Variants in ADGRB3 observed in about 807,000 individuals in gnomAD.
ADGRB3 encodes the protein brain-specific angiogenesis inhibitor 3.
In ADGRB3, 37 loss-of-function variants were observed where a neutral mutation model predicts 193.4. That is an observed-to-expected ratio of 0.19 (90% CI 0.15 to 0.25). ADGRB3 has a LOEUF of 0.25. Among genes scored for constraint, ADGRB3 ranks in the 10% least tolerant of loss-of-function variants. The pLI is 1.00. For missense variants in ADGRB3, 1,637 were observed against 1,852.9 expected, an observed-to-expected ratio of 0.88 and a Z score of 2.14; for synonymous variants, 690 against 644.2, an observed-to-expected ratio of 1.07 and a Z score of -1.08.
rs778842222 is a variant in ADGRB3 at position 69,018,417 on chromosome 6, G to A, written c.2025G>A (p.Met675Ile). ...QQIYPGSIEL[M>I]QVIEDFIHIV... ...TTTATCCAGGGTCAATAGAGTTAAT[G>A]CAGGTGATTGAAGATTTTATACACA... The change falls in exon 13 of 32, where the codon ATG becomes ATA. Residue 675 changes from methionine (M) to isoleucine (I), a missense_variant. Transcript: ENST00000370598. The A allele has an allele frequency of 4.4e-6, 7 of 1,606,764 alleles. No homozygotes were observed. In the South Asian group the frequency reaches 6.6e-5, roughly 15 times the overall value.
chr6:69,109,468 C>T (rs1773306664), intron 17 of ADGRB3, among the ~76,000 whole-genome samples: 1 of 152,096 alleles, frequency 6.6e-6, no homozygotes, highest in African/African-American at 2.4e-5. Context: ...GTAAAAATAG[C>T]AATGATAAGA....
At chr6:68,983,627 C>T (rs1768989440) in intron 10 of ADGRB3, among the ~76,000 whole-genome samples, 1 of 151,746 alleles carries the variant, frequency 6.6e-6, no homozygotes. Flanking sequence ...ATTCATTATA[C>T]AAATAATCAT....
intron 3 of ADGRB3, among the ~76,000 whole-genome samples, chr6:68,729,359 A>G (rs182341257): frequency 3.3e-4 from 50 of 151,744 alleles, no homozygotes; most frequent in Admixed American, 2.1e-3. Context: ...TTCTTTCTAA[A>G]TGTACCTTGA....
intron 12 of ADGRB3, among the ~76,000 whole-genome samples, chr6:69,015,387 T>C (rs773386000): frequency 5.3e-5 from 8 of 152,144 alleles, no homozygotes; most frequent in Admixed American, 1.3e-4. Context: ...AGCTATATTC[T>C]TATATTTAAA....
At chr6:69,288,495 A>G (rs1007640319) in intron 20 of ADGRB3, among the ~76,000 whole-genome samples, 1 of 152,216 alleles carries the variant, frequency 6.6e-6, no homozygotes, top group Admixed American at 6.5e-5. Flanking sequence ...GGTTTCTGAC[A>G]GTGCCTTTTG....
chr6:68,909,628 A>G (rs546519345), intron 3 of ADGRB3, among the ~76,000 whole-genome samples: 105 of 152,320 alleles, frequency 6.9e-4, no homozygotes, highest in South Asian at 1.4e-3. Context: ...GTTTAATTTT[A>G]TATGATCATT....
At chr6:69,064,828 T>G (rs1333789580) in intron 16 of ADGRB3, among the ~76,000 whole-genome samples, 1 of 152,036 alleles carries the variant, frequency 6.6e-6, no homozygotes, top group Non-Finnish European at 1.5e-5. Flanking sequence ...TAAAAAAGAG[T>G]AGTCTCAAAA....
intron 17 of ADGRB3, among the ~76,000 whole-genome samples, chr6:69,184,233 G>A (rs1765017011): frequency 6.6e-6 from 1 of 152,028 alleles, no homozygotes; most frequent in Non-Finnish European, 1.5e-5. Flanking sequence ...AACAAAAAGT[G>A]TCCCCATCAG....
chr6:68,993,702 A>G (rs753920949), intron 10 of ADGRB3, 66 bp from the exon 11 acceptor site: 10 of 1,470,648 alleles, frequency 6.8e-6, no homozygotes, highest in Non-Finnish European at 9.2e-6. Context: ...AAGTTGTTTG[A>G]TGAAGTTATT....
At chr6:68,924,512 G>T (rs926665989) in intron 3 of ADGRB3, among the ~76,000 whole-genome samples, 15 of 151,874 alleles carry the variant, frequency 9.9e-5, no homozygotes, top group Non-Finnish European at 4.4e-5. Context: ...AATATATTTG[G>T]TAATCACTTC....
chr6:69,162,012 A>T (rs781054836), intron 17 of ADGRB3, among the ~76,000 whole-genome samples: 1 of 152,130 alleles, frequency 6.6e-6, no homozygotes, highest in Non-Finnish European at 1.5e-5. Flanking sequence ...GAAGTAAATC[A>T]ATAAATCCAG....
intron 3 of ADGRB3, among the ~76,000 whole-genome samples, chr6:68,796,558 T>G (rs1767212095): frequency 6.6e-6 from 1 of 152,210 alleles, no homozygotes; most frequent in Non-Finnish European, 1.5e-5. Flanking sequence ...TAAAGCACTT[T>G]CTGAATACAG....
At position 68,903,311 on chromosome 6, in the gene ADGRB3, A is replaced by G. The variant is rs184788701; in HGVS notation, c.758-27248A>G. On this transcript the variant is annotated intron_variant, in intron 3 of 31. Coordinates refer to ENST00000370598, the MANE Select transcript of ADGRB3 (RefSeq NM_001704.3). ...CTCTTATTACTTAAAATTGAGAAAT[A>G]TCAAAATGACCTATTTTAAATAAAA... 2.6e-3 allele frequency among the ~76,000 whole-genome samples: 398 copies of G among 152,338 alleles called. 2 individuals are homozygous for G. The highest frequency in any genetic ancestry group is 8.9e-3 in the African/African-American group (370 of 41,590).
Position 69,101,433 on chromosome 6 carries a change from C to CGTGTATGTGTGTGTGTGT in ADGRB3, c.2480+25399_2480+25400insATGTGTGTGTGTGTGTGT, listed in dbSNP as rs1554262209. On this transcript the variant is annotated intron_variant, in intron 17 of 31. Transcript: ENST00000370598. ...TGCAAATATTAGATACAGTAAGTAT[C>CGTGTATGTGTGTGTGTGT]GTGTGTGTGTGTGTGTGTGTGTGTG... Among the ~76,000 whole-genome samples the CGTGTATGTGTGTGTGTGT allele has an allele frequency of 1.3e-4, 19 of 145,286 alleles. 1 individual carries two copies. Among genetic ancestry groups the CGTGTATGTGTGTGTGTGT allele is most frequent in the Non-Finnish European group, 7.5e-5 (5 of 66,424 alleles).
chr6:68,809,332 T>C (rs1767466924), intron 3 of ADGRB3, among the ~76,000 whole-genome samples: 1 of 152,186 alleles, frequency 6.6e-6, no homozygotes, highest in Non-Finnish European at 1.5e-5. Context: ...TTTCTGTAAA[T>C]TACTGAAGCA....
Position 68,977,737 on chromosome 6 carries a change from G to A in ADGRB3, c.1734+2397G>A, listed in dbSNP as rs140368654. Among the ~76,000 whole-genome samples, 236 of 152,202 alleles carry A rather than the reference G, an allele frequency of 1.6e-3. 1 individual carries two copies. Among genetic ancestry groups the A allele is most frequent in the Non-Finnish European group, 1.9e-3 (126 of 67,988 alleles). On this transcript the variant is annotated intron_variant, in intron 10 of 31. Coordinates refer to ENST00000370598, the MANE Select transcript of ADGRB3 (RefSeq NM_001704.3). The stretch of plus-strand genomic sequence containing the variant: ...TTATTCGGCTCCTACATAGTACTAG[G>A]CACTAGGCTGGAAACTTTCATAAAT...
intron 3 of ADGRB3, among the ~76,000 whole-genome samples, chr6:68,712,813 T>C (rs1765427536): frequency 6.6e-6 from 1 of 152,012 alleles, no homozygotes; most frequent in African/African-American, 2.4e-5. Context: ...CTTGCTTACT[T>C]GAAAGTAGTG....
intron 17 of ADGRB3, among the ~76,000 whole-genome samples, chr6:69,206,435 A>G (rs1765543278): frequency 6.6e-6 from 1 of 152,108 alleles, no homozygotes; most frequent in Admixed American, 6.5e-5. Context: ...CAATTCAGTC[A>G]AATTGACACT....
chr6:69,286,239 T>C (rs572053916), intron 20 of ADGRB3, among the ~76,000 whole-genome samples: 3 of 152,142 alleles, frequency 2.0e-5, no homozygotes, highest in Non-Finnish European at 4.4e-5. Context: ...TTCTAAACTT[T>C]GTGTTTTCTC....
Sources: gnomAD v4.1 joint callset for allele counts (sites outside exome capture counted in the v4.1 genomes callset) on GRCh38, gnomAD v4.1.1 for gene constraint, MANE v1.5 for transcripts, NCBI Gene and HGNC (gene_info 2026-07-23, HGNC 2026-07-21) for gene names.